EML4: variants seen among roughly 807,000 people sequenced by gnomAD.
The protein encoded by EML4 is EMAP like 4, also known as echinoderm microtubule-associated protein-like 4.
In EML4, 72 loss-of-function variants were observed where a neutral mutation model predicts 129.0. That is an observed-to-expected ratio of 0.56 (90% CI 0.46 to 0.68). The LOEUF (loss-of-function observed/expected upper bound fraction) is 0.68, where lower values mean the gene tolerates loss of function less well. EML4 is among the 30% of genes least tolerant of loss of function. EML4 has a pLI of 0.00. For synonymous variants in EML4, 532 were observed against 405.0 expected (o/e 1.31, Z -3.77); for missense variants, 1,363 against 1,190.6 (o/e 1.14, Z -2.13).
chr2:42,252,263 A>G (rs773659634), intron 2 of EML4, among the ~76,000 whole-genome samples: 1 of 152,204 alleles, frequency 6.6e-6, no homozygotes, highest in Non-Finnish European at 1.5e-5. Flanking sequence ...TGAGTCTGTC[A>G]TTAAGGAGTG....
intron 21 of EML4, among the ~76,000 whole-genome samples, chr2:42,328,286 G>C (rs183647756): frequency 1.3e-5 from 2 of 152,260 alleles, no homozygotes; most frequent in Admixed American, 6.5e-5. Context: ...AATTATGTTC[G>C]ACATGATCAT....
chr2:42,263,304 CAAGT>C lies in EML4; in HGVS notation c.641+4_641+7del, dbSNP rs1330823240. On this transcript the variant is annotated splice_donor_variant and coding_sequence_variant, in exon 5 of 23. Coordinates refer to ENST00000318522, the MANE Select transcript of EML4 (RefSeq NM_019063.5). LOFTEE classifies it high-confidence loss of function. ...TACCAAAAGTTACCAAAACTGCAGA[CAAGT>C]AAGTATTGCACTTTCTTCATTATAT... 1 of 1,597,432 alleles carries C rather than the reference CAAGT, an allele frequency of 6.3e-7. No homozygotes were observed. The highest frequency in any genetic ancestry group is 1.7e-5 in the Admixed American group (1 of 58,804).
At chr2:42,192,234 T>G (rs139614921) in intron 1 of EML4, among the ~76,000 whole-genome samples, 1,550 of 143,856 alleles carry the variant, frequency 0.011, 30 homozygotes, top group African/African-American at 0.041. Context: ...GTTTTTTTGT[T>G]TTTTTTTTTG....
chr2:42,311,161 G>C (rs1182307029), intron 17 of EML4, among the ~76,000 whole-genome samples: 8 of 152,102 alleles, frequency 5.3e-5, no homozygotes, highest in Non-Finnish European at 1.0e-4. Flanking sequence ...AGACACTCTA[G>C]GGTTTCATTA....
intron 1 of EML4, among the ~76,000 whole-genome samples, chr2:42,218,735 G>A (rs1238891115): frequency 6.6e-6 from 1 of 152,172 alleles, no homozygotes; most frequent in African/African-American, 2.4e-5. Context: ...CCTCCTTTAA[G>A]TACTGAAGAT....
At chr2:42,174,899 C>T (rs1670510608) in intron 1 of EML4, among the ~76,000 whole-genome samples, 1 of 151,514 alleles carries the variant, frequency 6.6e-6, no homozygotes, top group Non-Finnish European at 1.5e-5. Flanking sequence ...CTCACTGCAG[C>T]CTCCGCCTCC....
chr2:42,266,034 T>C (rs1156843210), intron 6 of EML4, among the ~76,000 whole-genome samples: 2 of 152,264 alleles, frequency 1.3e-5, no homozygotes, highest in Non-Finnish European at 2.9e-5. Flanking sequence ...CTATGTTTCA[T>C]AGTTAGCCTT....
At chr2:42,205,505 C>T (rs1046178348) in intron 1 of EML4, among the ~76,000 whole-genome samples, 1 of 151,248 alleles carries the variant, frequency 6.6e-6, no homozygotes, top group Non-Finnish European at 1.5e-5. Flanking sequence ...CAGTCAGCTT[C>T]CCTGGCTTAC....
intron 19 of EML4, among the ~76,000 whole-genome samples, chr2:42,323,472 T>A (rs1669626301): frequency 6.6e-6 from 1 of 152,182 alleles, no homozygotes; most frequent in South Asian, 2.1e-4. Flanking sequence ...TAATTTAAAT[T>A]GGTTTAAATA....
At chr2:42,263,343 A>G (rs1257796083) in intron 5 of EML4, 37 bp downstream of exon 5, 15 of 1,564,622 alleles carry the variant, frequency 9.6e-6, no homozygotes, top group Non-Finnish European at 1.3e-5. Flanking sequence ...TCTGAAAAGT[A>G]ATAATTATTT....
chr2:42,227,608 A>T (rs954997794), intron 1 of EML4, among the ~76,000 whole-genome samples: 1 of 152,004 alleles, frequency 6.6e-6, no homozygotes, highest in Non-Finnish European at 1.5e-5. Context: ...CTTGAACAAC[A>T]CAGGTTTGAA....
chr2:42,319,210 T>C (rs950843696), intron 19 of EML4, among the ~76,000 whole-genome samples: 5 of 152,178 alleles, frequency 3.3e-5, no homozygotes, highest in Non-Finnish European at 4.4e-5. Context: ...TACTAACTCT[T>C]AGTAGAGCCG....
chr2:42,189,856 A>G lies in EML4; in HGVS notation c.25+20220A>G, dbSNP rs78244818. Among the ~76,000 whole-genome samples the G allele has an allele frequency of 5.4e-3, 816 of 152,152 alleles. 7 individuals carry two copies. Among genetic ancestry groups the G allele is most frequent in the African/African-American group, 0.019 (773 of 41,510 alleles). On this transcript the variant is annotated intron_variant, in intron 1 of 22. Coordinates refer to ENST00000318522, the MANE Select transcript of EML4 (RefSeq NM_019063.5). ...GAAAGAGTGTTTTATGAATAATTCA[A>G]TCACAAAATTTTATTTAATTATATA... is the stretch of plus-strand genomic sequence containing the variant.
At chr2:42,222,903 A>G (rs1673704809) in intron 1 of EML4, among the ~76,000 whole-genome samples, 1 of 152,158 alleles carries the variant, frequency 6.6e-6, no homozygotes, top group Non-Finnish European at 1.5e-5. Context: ...GGTTCACGCC[A>G]TTCTCCTGCC....
At position 42,222,787 on chromosome 2, in the gene EML4, G is replaced by GT. The variant is rs1553369623; in HGVS notation, c.26-22715dup. Among the ~76,000 whole-genome samples the GT allele has an allele frequency of 4.0e-5, 6 of 150,966 alleles. No homozygotes were observed. The East Asian group carries it at 1.2e-3, about 30-fold the overall frequency. ...TATATAGAAATATAACGGTTCTTTTGTTTGTTTTGTTTTGTTTTGTTTTGT... is the reference window on the plus strand; with the variant it reads ...TATATAGAAATATAACGGTTCTTTTGTTTTGTTTTGTTTTGTTTTGTTTTGT... On this transcript the variant is annotated intron_variant, in intron 1 of 22. Transcript: ENST00000318522.
At chr2:42,252,376 TC>T (rs796458519) in intron 2 of EML4, among the ~76,000 whole-genome samples, 36 of 152,336 alleles carry the variant, frequency 2.4e-4, no homozygotes, top group African/African-American at 8.7e-4. Flanking sequence ...TCTTAAAACT[TC>T]CTTCACTTTT....
chr2:42,184,584 T>C (rs557279936), intron 1 of EML4, among the ~76,000 whole-genome samples: 20 of 152,126 alleles, frequency 1.3e-4, no homozygotes, highest in Non-Finnish European at 2.8e-4. Flanking sequence ...ATCCCTTTTC[T>C]TGCTTAGTTT....
intron 6 of EML4, among the ~76,000 whole-genome samples, chr2:42,274,465 C>T (rs1023880464): frequency 5.3e-5 from 8 of 151,930 alleles, no homozygotes; most frequent in Non-Finnish European, 8.8e-5. Flanking sequence ...ATCTCTAAGT[C>T]CAGAAATAAA....
intron 1 of EML4, among the ~76,000 whole-genome samples, chr2:42,221,891 AC>A (rs1001252519): frequency 6.6e-6 from 1 of 152,006 alleles, no homozygotes; most frequent in Non-Finnish European, 1.5e-5. Flanking sequence ...GGCATGAGCC[AC>A]CACTCCAAGC....
Sources: allele counts gnomAD v4.1 joint callset (sites outside exome capture counted in the v4.1 genomes callset), GRCh38; gene constraint gnomAD v4.1.1; transcripts MANE v1.5; gene names NCBI Gene and HGNC (gene_info 2026-07-23, HGNC 2026-07-21).